The following ACOT12 variants were observed in gnomAD, a reference collection of about 807,000 sequenced individuals.
The protein encoded by ACOT12 is acetyl-coenzyme A thioesterase.
A neutral mutation model predicts 67.7 loss-of-function variants in ACOT12; 51 were observed. The ratio of observed to expected loss-of-function variants is 0.75; its 90% CI spans 0.60 to 0.95. The LOEUF (loss-of-function observed/expected upper bound fraction) is 0.95. Ranked by LOEUF, ACOT12 falls within the 40% of genes least tolerant of loss-of-function variation. The pLI is 0.00. For missense variants in ACOT12, 734 were observed against 708.1 expected (o/e 1.04, Z -0.41); for synonymous variants, 251 against 244.6 (o/e 1.03, Z -0.24).
intron 4 of ACOT12, among the ~76,000 whole-genome samples, chr5:81,361,077 CAAAAAAAAA>C (rs71000820): frequency 1.5e-4 from 8 of 52,636 alleles, no homozygotes; most frequent in African/African-American, 3.3e-4. Context: ...GACTCCATCT[CAAAAAAAAA>C]AAAAAAAAAA....
At chr5:81,350,464 C>G (rs1390813994) in intron 5 of ACOT12, among the ~76,000 whole-genome samples, 1 of 152,144 alleles carries the variant, frequency 6.6e-6, no homozygotes, top group African/African-American at 2.4e-5. Flanking sequence ...CTCGTTCAGA[C>G]TTTGTGGGGC....
chr5:81,328,415 CTGAA>C (rs1284219052), downstream of ACOT12, among the ~76,000 whole-genome samples: 1 of 152,144 alleles, frequency 6.6e-6, no homozygotes, highest in African/African-American at 2.4e-5. Context: ...CAATAAATAT[CTGAA>C]TGAATGAAAG....
At chr5:81,388,672 G>A (rs1760791207) in intron 1 of ACOT12, among the ~76,000 whole-genome samples, 1 of 152,212 alleles carries the variant, frequency 6.6e-6, no homozygotes, top group Non-Finnish European at 1.5e-5. Flanking sequence ...CTCTCATGGA[G>A]TCTAGTGGAT....
chr5:81,357,301 A>G (rs1759747217), intron 5 of ACOT12, among the ~76,000 whole-genome samples: 1 of 152,042 alleles, frequency 6.6e-6, no homozygotes, highest in Admixed American at 6.5e-5. Context: ...ACTAAACTAC[A>G]AGTTTCTTAA....
chr5:81,337,815 C>G (rs1759051474), intron 11 of ACOT12, among the ~76,000 whole-genome samples: 1 of 152,114 alleles, frequency 6.6e-6, no homozygotes, highest in Admixed American at 6.5e-5. Context: ...GTTATAGCAG[C>G]CCTAGGAAAC....
intron 5 of ACOT12, among the ~76,000 whole-genome samples, chr5:81,358,281 C>T (rs890199270): frequency 2.6e-5 from 4 of 152,104 alleles, no homozygotes; most frequent in Admixed American, 6.5e-5. Flanking sequence ...ATGCATAGAA[C>T]GGGTTTGCTC....
At chr5:81,310,381 CTTTATT>C in the ACOT12 span, among the ~76,000 whole-genome samples, 2 of 151,658 alleles carry the variant, frequency 1.3e-5, no homozygotes, top group African/African-American at 4.8e-5. Context: ...AGAATTAGTA[CTTTATT>C]TTTAAGAGGT....
Position 81,343,858 on chromosome 5 carries a change from T to G in ACOT12, c.1004A>C (p.Glu335Ala). ...LGRKYVISHK[E>A]EVPLCIHWDI... ...CCAGTGTATGCAAAGTGGAACCTCT[T>G]CTTTGTGGGAAATAACATATTTTCT... is the stretch of plus-strand genomic sequence containing the variant. The change falls in exon 10 of 15, where the codon GAA becomes GCA. Residue 335 changes from glutamate to alanine, a missense_variant. Transcript: ENST00000307624. 1.2e-6 allele frequency: 2 copies of G among 1,613,452 alleles called. No homozygotes were observed. Among genetic ancestry groups the G allele is most frequent in the Non-Finnish European group, 1.7e-6 (2 of 1,179,868 alleles).
At chr5:81,347,510 C>T (rs11749621) in intron 6 of ACOT12, among the ~76,000 whole-genome samples, 1 of 152,078 alleles carries the variant, frequency 6.6e-6, no homozygotes, top group South Asian at 2.1e-4. Flanking sequence ...TTCATAAGAT[C>T]AATATTCATA....
rs149103852 is a variant in ACOT12, at chr5:81,344,182, G to A, written c.958C>T (p.Arg320Cys). Residue 320 changes from arginine (R) to cysteine (C), a missense_variant, in exon 9 of 15, where the codon CGC (arginine) becomes TGC (cysteine). Transcript: ENST00000307624. ...DFRRYRGAIARKRIRLGRKYV... is the reference protein window; with the variant it reads ...DFRRYRGAIACKRIRLGRKYV... ...TACCTGCCTAGGCGAATTCGCTTGCGTGCAATAGCTCCCCGATAGCGTCTG... is the reference window on the plus strand; with the variant it reads ...TACCTGCCTAGGCGAATTCGCTTGCATGCAATAGCTCCCCGATAGCGTCTG... 78 of 1,613,496 alleles carry A rather than the reference G, an allele frequency of 4.8e-5. No individual in the cohort carries two copies. The highest frequency in any genetic ancestry group is 9.3e-5 in the African/African-American group (7 of 74,890).
intron 3 of ACOT12, among the ~76,000 whole-genome samples, chr5:81,369,704 A>G (rs534590214): frequency 6.6e-6 from 1 of 152,270 alleles, no homozygotes; most frequent in South Asian, 2.1e-4. Flanking sequence ...CTTAGCTTTT[A>G]GATAAGCCTC....
intron 1 of ACOT12, 26 bp from the exon 2 acceptor site, chr5:81,385,852 T>A: frequency 6.2e-7 from 1 of 1,606,014 alleles, no homozygotes; most frequent in Non-Finnish European, 8.5e-7. Flanking sequence ...AAAAATGTGC[T>A]GCTTTAGTGG....
Position 81,346,100 on chromosome 5 carries a change from A to G in ACOT12, c.654-96T>C. 2.0e-6 allele frequency: 3 copies of G among 1,529,384 alleles called. No homozygotes were observed. In the East Asian group the frequency reaches 7.0e-5, roughly 36 times the overall value. The allele number at this position is 1,529,384 out of a possible 1,614,324, so 94.7% of individuals were successfully genotyped here. A position where few individuals can be genotyped will look rare whatever the true frequency, so the allele number is the denominator to read the frequency against. On this transcript the variant is annotated intron_variant, in intron 6 of 14. Coordinates refer to ENST00000307624, the MANE Select transcript of ACOT12 (RefSeq NM_130767.3). The stretch of plus-strand genomic sequence containing the variant: ...AGTCTTCAAATAAGCATTTCTTTAA[A>G]TTTGACTGAAATAAATAACTGGATT...
Position 81,330,373 on chromosome 5 carries a change from C to T in ACOT12, c.*21G>A. On this transcript the variant is annotated 3_prime_UTR_variant, in exon 15 of 15. Coordinates refer to ENST00000307624, the MANE Select transcript of ACOT12 (RefSeq NM_130767.3). ...GAATTAAAAGTGGGAAATTAAATTA[C>T]CAGTAATTGAAAGTTGACCTTTAAA... The T allele has an allele frequency of 6.3e-7, 1 of 1,599,114 alleles. No individual in the cohort carries two copies. Among genetic ancestry groups the T allele is most frequent in the African/African-American group, 1.3e-5 (1 of 74,466 alleles).
intron 6 of ACOT12, among the ~76,000 whole-genome samples, 171 bp downstream of exon 6, chr5:81,347,603 C>T (rs971426050): frequency 6.6e-6 from 1 of 152,120 alleles, no homozygotes; most frequent in African/African-American, 2.4e-5. Context: ...AACAAAAGGA[C>T]AGATTAATCC....
At chr5:81,316,197 G>A in the ACOT12 span, among the ~76,000 whole-genome samples, 3 of 152,192 alleles carry the variant, frequency 2.0e-5, no homozygotes, top group African/African-American at 7.2e-5. Context: ...CACTTTTAAA[G>A]TGTACAACTA....
chr5:81,387,347 C>A (rs1245087215), intron 1 of ACOT12, among the ~76,000 whole-genome samples: 1 of 151,954 alleles, frequency 6.6e-6, no homozygotes, highest in Non-Finnish European at 1.5e-5. Flanking sequence ...TAGTCAGTAC[C>A]CTTTTAGAGC....
intron 1 of ACOT12, among the ~76,000 whole-genome samples, chr5:81,389,027 A>G (rs1187057554): frequency 1.3e-5 from 2 of 152,200 alleles, no homozygotes; most frequent in Non-Finnish European, 2.9e-5. Flanking sequence ...TAAATTACCC[A>G]GTCTCAGATA....
chr5:81,351,006 C>G (rs193236511), intron 5 of ACOT12, among the ~76,000 whole-genome samples: 32 of 152,324 alleles, frequency 2.1e-4, no homozygotes, highest in African/African-American at 7.7e-4. Flanking sequence ...TTTGTGTTTT[C>G]TCACCATTTC....
Sources: gnomAD v4.1 joint callset for allele counts (sites outside exome capture counted in the v4.1 genomes callset) on GRCh38, gnomAD v4.1.1 for gene constraint, MANE v1.5 for transcripts, NCBI Gene and HGNC (gene_info 2026-07-23, HGNC 2026-07-21) for gene names.